RWDD3: variants seen among roughly 807,000 people sequenced by gnomAD.
The protein encoded by RWDD3 is RWD domain-containing protein 3.
In RWDD3, 30 loss-of-function variants were observed where a neutral mutation model predicts 26.5. The ratio of observed to expected loss-of-function variants is 1.13; its 90% CI spans 0.85 to 1.54. RWDD3 has a LOEUF of 1.54. Ranked by LOEUF, RWDD3 falls within the 40% of genes most tolerant of loss-of-function variation. The probability of loss-of-function intolerance (pLI) is 0.00; values close to 1 mark genes in which losing one functional copy is unlikely to be tolerated. For missense variants in RWDD3, 296 were observed against 309.1 expected (o/e 0.96, Z 0.32); for synonymous variants, 113 against 114.5 (o/e 0.99, Z 0.09).
chr1:95,244,021 A>C (rs1680741234), intron 1 of RWDD3, among the ~76,000 whole-genome samples, 190 bp from the exon 2 acceptor site: 1 of 152,226 alleles, frequency 6.6e-6, no homozygotes, highest in South Asian at 2.1e-4. Context: ...GAATACATGA[A>C]TACATGTGTA....
chr1:95,246,900 A>G lies in RWDD3; in HGVS notation c.*30A>G, dbSNP rs760234998. Reference sequence around the variant, plus strand: ...GAAGACAGGAATCTTTTAGTAAAATAGCAGTGTTTTTTGTTGTTTTTGCAT... The same window carrying G: ...GAAGACAGGAATCTTTTAGTAAAATGGCAGTGTTTTTTGTTGTTTTTGCAT... On this transcript the variant is annotated 3_prime_UTR_variant, in exon 4 of 4. Transcript: ENST00000370202. 3.0e-6 allele frequency: 4 copies of G among 1,340,306 alleles called. No individual in the cohort carries two copies. The highest frequency in any genetic ancestry group is 4.0e-6 in the Non-Finnish European group (4 of 988,530). 83.0% of individuals were successfully genotyped at this position (1,340,306 alleles called of 1,614,324 possible). A position where few individuals can be genotyped will look rare whatever the true frequency, so the allele number is the denominator to read the frequency against.
At chr1:95,246,405 A>T (rs1318323021) in intron 2 of RWDD3, 137 bp from the exon 3 acceptor site, 1 of 575,436 alleles carries the variant, frequency 1.7e-6, no homozygotes, top group African/African-American at 1.9e-5. Flanking sequence ...AAACAAGTAT[A>T]TAAAAATTCT....
rs1352366692 is a variant in RWDD3 at position 95,244,795 on chromosome 1, A to G, written c.573+97A>G. The G allele has an allele frequency of 6.1e-6, 8 of 1,317,010 alleles. No individual in the cohort carries two copies. In the African/African-American group the frequency reaches 1.2e-4, roughly 19 times the overall value. 81.6% of individuals were successfully genotyped at this position (1,317,010 alleles called of 1,614,324 possible). On this transcript the variant is annotated intron_variant, in intron 2 of 3. Transcript: ENST00000370202. ...TTTATAACAATGGGATAGATTAATT[A>G]TTAAGATGTTTCTGCTTTCATTATT...
chr1:95,238,466 A>T (rs948021783), intron 1 of RWDD3, among the ~76,000 whole-genome samples: 4 of 151,608 alleles, frequency 2.6e-5, no homozygotes, highest in African/African-American at 9.7e-5. Flanking sequence ...TAAAAATCCA[A>T]CTGAAGCATA....
chr1:95,239,083 T>C (rs571792841), intron 1 of RWDD3, among the ~76,000 whole-genome samples: 7 of 152,166 alleles, frequency 4.6e-5, no homozygotes, highest in Non-Finnish European at 7.3e-5. Context: ...GAAAACACCC[T>C]TGGACTTATG....
chr1:95,246,966 G>C lies in RWDD3; in HGVS notation c.*96G>C. 1 of 657,646 alleles carries C rather than the reference G, an allele frequency of 1.5e-6. No individual in the cohort carries two copies. The highest frequency in any genetic ancestry group is 3.1e-5 in the South Asian group (1 of 32,216). The allele number at this position is 657,646 out of a possible 1,614,324, so 40.7% of individuals were successfully genotyped here. Reference sequence around the variant, plus strand: ...GTTAATTGAAATAGTCAATTTTAAAGTTTCTCTGAAGCAAAATGATAGGCA... The same window carrying C: ...GTTAATTGAAATAGTCAATTTTAAACTTTCTCTGAAGCAAAATGATAGGCA... On this transcript the variant is annotated 3_prime_UTR_variant, in exon 4 of 4. Coordinates refer to ENST00000370202, the MANE Select transcript of RWDD3 (RefSeq NM_015485.5).
chr1:95,242,619 T>A (rs914279057), intron 1 of RWDD3, among the ~76,000 whole-genome samples: 2 of 152,128 alleles, frequency 1.3e-5, no homozygotes, highest in African/African-American at 2.4e-5. Context: ...TATTTTTTTT[T>A]AAAAGGGTAA....
chr1:95,239,890 C>T (rs1240049092), intron 1 of RWDD3: 4 of 1,289,644 alleles, frequency 3.1e-6, no homozygotes, highest in Non-Finnish European at 3.0e-6. Flanking sequence ...CCTGTGGTTC[C>T]CTGCACCAGA....
chr1:95,241,815 G>T (rs745766858), intron 1 of RWDD3, among the ~76,000 whole-genome samples: 1 of 152,088 alleles, frequency 6.6e-6, no homozygotes, highest in Non-Finnish European at 1.5e-5. Flanking sequence ...AAATGACAAG[G>T]GTCATGAGTA....
At position 95,244,519 on chromosome 1, in the gene RWDD3, A is replaced by G. The variant is rs1280811794; in HGVS notation, c.394A>G (p.Ser132Gly). Residue 132 changes from serine to glycine, a missense_variant, in exon 2 of 4, where the codon AGC (serine) becomes GGC (glycine). Physicochemically the swap from Ser to Gly is moderately conservative, Grantham distance 56. Transcript: ENST00000370202. ...SGSEKCTFSTSTTMDDGLWIT... is the reference protein window; with the variant it reads ...SGSEKCTFSTGTTMDDGLWIT... ...CAGTGAAAAGTGTACTTTTTCAACA[A>G]GCACGACCATGGATGATGGATTGTG... 6.2e-7 allele frequency: 1 copy of G among 1,614,202 alleles called. No homozygotes were observed. Among genetic ancestry groups the G allele is most frequent in the Admixed American group, 1.7e-5 (1 of 60,026 alleles).
chr1:95,238,412 T>G (rs1680456506), intron 1 of RWDD3, among the ~76,000 whole-genome samples: 1 of 148,684 alleles, frequency 6.7e-6, no homozygotes, highest in African/African-American at 2.5e-5. Flanking sequence ...TTCATTTATT[T>G]TTAGTTTTTT....
intron 1 of RWDD3, among the ~76,000 whole-genome samples, chr1:95,238,320 C>G (rs1366684009): frequency 1.3e-5 from 2 of 152,186 alleles, no homozygotes; most frequent in African/African-American, 4.8e-5. Flanking sequence ...ATTGACCCCT[C>G]TAAATCTGCT....
intron 1 of RWDD3, among the ~76,000 whole-genome samples, chr1:95,236,225 C>G (rs1680349423): frequency 6.6e-6 from 1 of 151,838 alleles, no homozygotes; most frequent in Admixed American, 6.6e-5. Context: ...ACTCGGGAGG[C>G]TGAGGCAGGA....
At chr1:95,235,068 A>AC (rs1437663245) in intron 1 of RWDD3, among the ~76,000 whole-genome samples, 59 of 148,652 alleles carry the variant, frequency 4.0e-4, no homozygotes, top group African/African-American at 1.2e-3. Context: ...ATTTTTTAAG[A>AC]CGGAGTCTTG....
In RWDD3 at chr1:95,242,918, C is replaced by CA. The variant is rs112728939; in HGVS notation, c.86-1282dup. On this transcript the variant is annotated intron_variant, in intron 1 of 3. Coordinates refer to ENST00000370202, the MANE Select transcript of RWDD3 (RefSeq NM_015485.5). ...TGGGCGACAGAGTGAGATTGTGTCT[C>CA]AAAAAAAAAAAGAATAAGTAACTAG... Among the ~76,000 whole-genome samples the CA allele has an allele frequency of 3.0e-3, 405 of 136,672 alleles. 4 individuals carry two copies. The highest frequency in any genetic ancestry group is 8.4e-3 in the East Asian group (40 of 4,740). The allele number at this position is 136,672 out of a possible 152,430, so 89.7% of individuals were successfully genotyped here. A position where few individuals can be genotyped will look rare whatever the true frequency, so the allele number is the denominator to read the frequency against.
chr1:95,241,899 G>T (rs1468066663), intron 1 of RWDD3, among the ~76,000 whole-genome samples: 2 of 152,012 alleles, frequency 1.3e-5, no homozygotes, highest in African/African-American at 4.8e-5. Flanking sequence ...TGCACCCACA[G>T]ATAATCAAAG....
chr1:95,245,404 A>G (rs1680813392), intron 2 of RWDD3, among the ~76,000 whole-genome samples: 1 of 152,222 alleles, frequency 6.6e-6, no homozygotes, highest in Non-Finnish European at 1.5e-5. Context: ...AGAGCTACAA[A>G]TCAATAGGTT....
chr1:95,244,053 A>G (rs761542481), intron 1 of RWDD3, among the ~76,000 whole-genome samples, 158 bp from the exon 2 acceptor site: 1 of 152,228 alleles, frequency 6.6e-6, no homozygotes, highest in Non-Finnish European at 1.5e-5. Context: ...AATAATTTGT[A>G]AATCATAGCT....
intron 1 of RWDD3, chr1:95,239,770 T>C (rs1202150648): frequency 7.9e-7 from 1 of 1,272,418 alleles, no homozygotes; most frequent in Non-Finnish European, 1.0e-6. Flanking sequence ...TTCTGTTTGC[T>C]GACTAGGACC....
Sources: allele counts gnomAD v4.1 joint callset (sites outside exome capture counted in the v4.1 genomes callset), GRCh38; gene constraint gnomAD v4.1.1; transcripts MANE v1.5; gene names NCBI Gene and HGNC (gene_info 2026-07-23, HGNC 2026-07-21).